GABRG3: variants seen among roughly 807,000 people sequenced by gnomAD.
GABRG3 encodes gamma-aminobutyric acid receptor subunit gamma-3.
GABRG3 carries 25 observed loss-of-function variants against 48.8 expected under a neutral mutation model. The ratio of observed to expected loss-of-function variants is 0.51; its 90% CI spans 0.37 to 0.72. The LOEUF is 0.72. GABRG3 is among the 30% of genes least tolerant of loss of function. The pLI is 0.00. For missense variants in GABRG3, 394 were observed against 577.9 expected, an observed-to-expected ratio of 0.68 and a Z score of 3.26; for synonymous variants, 227 against 217.6, an observed-to-expected ratio of 1.04 and a Z score of -0.38.
chr15:27,272,228 C>T (rs986356057), intron 3 of GABRG3, among the ~76,000 whole-genome samples: 48 of 152,348 alleles, frequency 3.2e-4, no homozygotes, highest in African/African-American at 1.1e-3. Context: ...TAGCTATTCT[C>T]ACAAGGGTGA....
chr15:27,085,557 C>G (rs1471921914), intron 3 of GABRG3, among the ~76,000 whole-genome samples: 1 of 152,170 alleles, frequency 6.6e-6, no homozygotes, highest in Non-Finnish European at 1.5e-5. Flanking sequence ...AATATATTGT[C>G]TCAAATTACT....
chr15:27,316,589 A>T (rs1893237232), intron 3 of GABRG3, among the ~76,000 whole-genome samples: 1 of 152,188 alleles, frequency 6.6e-6, no homozygotes, highest in African/African-American at 2.4e-5. Context: ...CTCATGATTT[A>T]AAGTGTTTAA....
At chr15:27,462,156 T>C (rs754447186) in intron 5 of GABRG3, among the ~76,000 whole-genome samples, 4 of 152,096 alleles carry the variant, frequency 2.6e-5, no homozygotes, top group East Asian at 1.9e-4. Flanking sequence ...CCGGGTCTTA[T>C]AGGGAATTTT....
chr15:27,306,184 A>C (rs1455499610), intron 3 of GABRG3, among the ~76,000 whole-genome samples: 1 of 134,476 alleles, frequency 7.4e-6, no homozygotes, highest in African/African-American at 2.7e-5. Context: ...TAAACATATA[A>C]TATAAACATA....
chr15:27,352,687 C>T lies in GABRG3; in HGVS notation c.574+23799C>T, dbSNP rs978564186. Among the ~76,000 whole-genome samples, 5 of 152,064 alleles carry T rather than the reference C, an allele frequency of 3.3e-5. No homozygotes were observed. Among genetic ancestry groups the T allele is most frequent in the African/African-American group, 4.8e-5 (2 of 41,394 alleles). Reference sequence around the variant, plus strand: ...CACATACCAAACCGTTGGGTGATATCGGTCTTGGTTATTGGTCCCTAGGAT... The same window carrying T: ...CACATACCAAACCGTTGGGTGATATTGGTCTTGGTTATTGGTCCCTAGGAT... On this transcript the variant is annotated intron_variant, in intron 5 of 9. Coordinates refer to ENST00000615808, the MANE Select transcript of GABRG3 (RefSeq NM_033223.5). This position sits in a 1 kb window ranked among gnomAD's most constrained non-coding sequence, Gnocchi z 4.0.
At chr15:27,449,011 A>T (rs1185140935) in intron 5 of GABRG3, among the ~76,000 whole-genome samples, 1 of 152,192 alleles carries the variant, frequency 6.6e-6, no homozygotes, top group Non-Finnish European at 1.5e-5. Context: ...GTAATAGTGT[A>T]TTGGAATCTC....
At chr15:27,391,652 A>C (rs1887134947) in intron 5 of GABRG3, among the ~76,000 whole-genome samples, 1 of 152,202 alleles carries the variant, frequency 6.6e-6, no homozygotes, top group South Asian at 2.1e-4. Flanking sequence ...AACTCACCTG[A>C]TTTCAGAGGA....
intron 2 of GABRG3, among the ~76,000 whole-genome samples, chr15:27,003,173 A>AT (rs915241973): frequency 4.7e-5 from 7 of 148,614 alleles, no homozygotes; most frequent in South Asian, 4.2e-4. Flanking sequence ...TTTATTTTTT[A>AT]TTTTTTTTAA....
At position 27,537,463 on chromosome 15, in the gene GABRG3, G is replaced by A. The variant is rs1891573627; in HGVS notation, c.*4582G>A. 1 of 152,094 alleles carries A rather than the reference G, an allele frequency of 6.6e-6. No homozygotes were observed. Among genetic ancestry groups the A allele is most frequent in the African/African-American group, 2.4e-5 (1 of 41,410 alleles). The allele number at this position is 152,094 out of a possible 1,614,324, so 9.4% of individuals were successfully genotyped here. ...CAGTGCCTCTATGTTTGTGTTCTCT[G>A]TGTAATCACATGAAAGAACCAACAA... On this transcript the variant is annotated 3_prime_UTR_variant, in exon 10 of 10. Transcript: ENST00000615808.
At chr15:27,322,087 G>C (rs1333235323) in intron 3 of GABRG3, among the ~76,000 whole-genome samples, 2 of 152,180 alleles carry the variant, frequency 1.3e-5, no homozygotes, top group Non-Finnish European at 2.9e-5. Flanking sequence ...GATAGACATT[G>C]TAAGAATTTT....
At chr15:27,012,105 G>T (rs1895700086) in intron 2 of GABRG3, among the ~76,000 whole-genome samples, 1 of 152,182 alleles carries the variant, frequency 6.6e-6, no homozygotes, top group Non-Finnish European at 1.5e-5. Flanking sequence ...AGATCAGATG[G>T]AGATGAATTC....
intron 2 of GABRG3, among the ~76,000 whole-genome samples, chr15:27,012,803 C>A (rs1433456096): frequency 6.6e-6 from 1 of 152,104 alleles, no homozygotes; most frequent in South Asian, 2.1e-4. Context: ...AAAGTGGAGA[C>A]TTTGTGTCTT....
intron 3 of GABRG3, among the ~76,000 whole-genome samples, chr15:27,096,838 CT>C (rs34613626): frequency 0.021 from 2,691 of 126,102 alleles, 29 homozygotes; most frequent in Admixed American, 0.047. Context: ...TTCTTTCTAT[CT>C]TTTTTTTTTT....
At chr15:27,456,384 C>T (rs1189155748) in intron 5 of GABRG3, among the ~76,000 whole-genome samples, 2 of 152,188 alleles carry the variant, frequency 1.3e-5, no homozygotes, top group Non-Finnish European at 2.9e-5. Flanking sequence ...CGCTGAGTGA[C>T]CAGCATGGTG....
intron 5 of GABRG3, among the ~76,000 whole-genome samples, chr15:27,420,148 A>G (rs1379984922): frequency 5.3e-5 from 8 of 152,198 alleles, no homozygotes; most frequent in Non-Finnish European, 1.2e-4. Context: ...TCCTTTTTTT[A>G]GAATACTCCT....
chr15:27,154,567 C>T (rs1015731000), intron 3 of GABRG3, among the ~76,000 whole-genome samples: 16 of 152,282 alleles, frequency 1.1e-4, no homozygotes, highest in African/African-American at 3.4e-4. Flanking sequence ...TTGATACTTG[C>T]TCTGCATTGT....
At chr15:27,190,158 G>C (rs1566959518) in intron 3 of GABRG3, among the ~76,000 whole-genome samples, 1 of 152,208 alleles carries the variant, frequency 6.6e-6, no homozygotes, top group Non-Finnish European at 1.5e-5. Flanking sequence ...TTGCATCAAT[G>C]TTCATCAAGG....
chr15:27,519,415 G>T (rs1026624252), intron 6 of GABRG3, among the ~76,000 whole-genome samples: 1 of 152,042 alleles, frequency 6.6e-6, no homozygotes, highest in Admixed American at 6.6e-5. Flanking sequence ...TTCTGGGTTG[G>T]CACAGCTTAA....
intron 3 of GABRG3, among the ~76,000 whole-genome samples, chr15:27,178,145 C>A (rs1460884297): frequency 6.6e-6 from 1 of 152,110 alleles, no homozygotes; most frequent in African/African-American, 2.4e-5. Flanking sequence ...GGTTCAGGAG[C>A]CTGACTAAAG....
Sources: allele counts gnomAD v4.1 joint callset (sites outside exome capture counted in the v4.1 genomes callset), GRCh38; gene constraint gnomAD v4.1.1; non-coding constraint Gnocchi (gnomAD v3.1); transcripts MANE v1.5; gene names NCBI Gene and HGNC (gene_info 2026-07-23, HGNC 2026-07-21).